Variants in BEST3 observed in about 807,000 individuals in gnomAD.
BEST3 encodes bestrophin 3.
Under a neutral mutation model 47.1 loss-of-function variants are expected in BEST3, and 50 were observed. The observed-to-expected ratio is 1.06, with a 90% confidence interval of 0.85 to 1.34. The LOEUF (loss-of-function observed/expected upper bound fraction) is 1.34, where lower values mean the gene tolerates loss of function less well. Ranked by LOEUF, BEST3 falls within the 40% of genes most tolerant of loss-of-function variation. The probability of loss-of-function intolerance (pLI) is 0.00; values close to 1 mark genes in which losing one functional copy is unlikely to be tolerated. For synonymous variants in BEST3, 282 were observed against 298.8 expected (o/e 0.94, Z 0.58); for missense variants, 765 against 817.0 (o/e 0.94, Z 0.78).
chr12:69,670,398 G>T (rs1342121593), intron 9 of BEST3: 1 of 699,238 alleles, frequency 1.4e-6, no homozygotes. Flanking sequence ...AAATCTCCTG[G>T]CTCCTAAATC....
downstream of BEST3, chr12:69,653,502 C>A (rs909136667): frequency 4.1e-6 from 2 of 490,644 alleles, no homozygotes; most frequent in Non-Finnish European, 5.3e-6. Context: ...AGGCAAATAC[C>A]TTACTTCTCT....
In BEST3 at chr12:69,694,439, G is replaced by A. The variant is rs910941837; in HGVS notation, c.178C>T (p.Arg60Cys). The A allele has an allele frequency of 9.3e-6, 15 of 1,605,614 alleles. No individual in the cohort carries two copies. In the South Asian group the frequency reaches 1.0e-4, roughly 11 times the overall value. The change falls in exon 3 of 10, where the codon CGT (arginine) becomes TGT (cysteine). Residue 60 changes from arginine (R) to cysteine (C), a missense_variant. By Grantham distance (180) the Arg-to-Cys change is radical (BLOSUM62 -3). Coordinates refer to ENST00000330891, the MANE Select transcript of BEST3 (RefSeq NM_032735.3). Reference protein sequence around the residue: ...YRLLLTGVQKRYFEKLSIYCD... With the variant: ...YRLLLTGVQKCYFEKLSIYCD... Reference sequence around the variant, plus strand: ...TAAATTGATAATTTTTCAAAGTAACGTTTTTGGACTCCTGTAAGTAACAAT... The same window carrying A: ...TAAATTGATAATTTTTCAAAGTAACATTTTTGGACTCCTGTAAGTAACAAT...
chr12:69,699,262 C>G lies in BEST3; in HGVS notation c.-73G>C. ...AGAGAATCTTCAAATTTCGGGCTCC[C>G]CCGAAGAGGTGCCTTCAGGTCGGTG... On this transcript the variant is annotated 5_prime_UTR_variant, in exon 1 of 10. Transcript: ENST00000330891. 2 of 985,380 alleles carry G rather than the reference C, an allele frequency of 2.0e-6. No homozygotes were observed. The highest frequency in any genetic ancestry group is 2.4e-6 in the Non-Finnish European group (2 of 829,922). 61.0% of individuals were successfully genotyped at this position (985,380 alleles called of 1,614,324 possible).
chr12:69,645,045 T>C (rs1882987592), intron 9 of BEST3, among the ~76,000 whole-genome samples: 1 of 152,214 alleles, frequency 6.6e-6, no homozygotes, highest in Non-Finnish European at 1.5e-5. Context: ...AATATGAGAA[T>C]TGAAGAACCT....
downstream of BEST3, chr12:69,653,602 T>C: frequency 3.1e-6 from 3 of 977,338 alleles, no homozygotes; most frequent in Non-Finnish European, 3.6e-6. Flanking sequence ...AAGCACTCAA[T>C]AAATGGTAGT....
Position 69,655,346 on chromosome 12 carries a change from G to A in BEST3, c.1568C>T (p.Ala523Val). The A allele has an allele frequency of 6.2e-7, 1 of 1,614,144 alleles. No homozygotes were observed. Among genetic ancestry groups the A allele is most frequent in the Non-Finnish European group, 8.5e-7 (1 of 1,180,032 alleles). Residue 523 changes from alanine (A) to valine (V), a missense_variant, in exon 10 of 10, where the codon GCT becomes GTT. By Grantham distance (64) the Ala-to-Val change is moderately conservative. Transcript: ENST00000330891. The stretch of plus-strand genomic sequence containing the variant: ...AAACTCAGAGCTCAAGATGGAGGTA[G>A]CGGAATCATGGTGGTAGCCCCCTGA... ...PTSGGYHHDSATSILSSEFTG... is the reference protein window; with the variant it reads ...PTSGGYHHDSVTSILSSEFTG...
chr12:69,650,547 G>A (rs1464704971), downstream of BEST3, among the ~76,000 whole-genome samples: 1 of 152,180 alleles, frequency 6.6e-6, no homozygotes, highest in African/African-American at 2.4e-5. Flanking sequence ...GGGGGAATTA[G>A]GTTTCAACCT....
rs143082425 is a variant in BEST3 at position 69,673,060 on chromosome 12, GT to G, written c.868-96del. 4.3e-3 allele frequency: 4,021 copies of G among 934,788 alleles called. 32 individuals are homozygous for G. In the Middle Eastern group the frequency reaches 0.045, roughly 10 times the overall value. The allele number at this position is 934,788 out of a possible 1,614,324, so 57.9% of individuals were successfully genotyped here. On this transcript the variant is annotated intron_variant, in intron 7 of 9. Coordinates refer to ENST00000330891, the MANE Select transcript of BEST3 (RefSeq NM_032735.3). ...TTCCTGTTTTCCTCTCTGCTTCCTT[GT>G]GTGACTTTCTAATACGAAGAGTAGA...
chr12:69,649,301 TG>T (rs929928009), downstream of BEST3, among the ~76,000 whole-genome samples: 1 of 152,230 alleles, frequency 6.6e-6, no homozygotes, highest in African/African-American at 2.4e-5. Flanking sequence ...CCGGATTTGT[TG>T]TCACTCTTTA....
At chr12:69,663,343 T>C (rs1883981704) in intron 9 of BEST3, among the ~76,000 whole-genome samples, 1 of 152,210 alleles carries the variant, frequency 6.6e-6, no homozygotes, top group African/African-American at 2.4e-5. Context: ...TAAAATTTCT[T>C]TGGGTAAAGT....
rs576885652 is a variant in BEST3 at position 69,696,155 on chromosome 12, T to C, written c.152+1492A>G. 1.6e-3 allele frequency among the ~76,000 whole-genome samples: 251 copies of C among 152,302 alleles called. 2 individuals are homozygous for C. The highest frequency in any genetic ancestry group is 5.8e-3 in the African/African-American group (241 of 41,580). Reference sequence around the variant, plus strand: ...CCTATAGTTCTTGGTATACCTTTGATTAAGATAGAAAGATCTATTTTAATA... The same window carrying C: ...CCTATAGTTCTTGGTATACCTTTGACTAAGATAGAAAGATCTATTTTAATA... On this transcript the variant is annotated intron_variant, in intron 2 of 9. Coordinates refer to ENST00000330891, the MANE Select transcript of BEST3 (RefSeq NM_032735.3).
At chr12:69,676,065 A>G (rs1035749448) in intron 7 of BEST3, among the ~76,000 whole-genome samples, 6 of 152,204 alleles carry the variant, frequency 3.9e-5, no homozygotes. Context: ...GGTCTCTGAT[A>G]TTTACACACA....
chr12:69,672,122 A>G (rs1884614040), intron 8 of BEST3, among the ~76,000 whole-genome samples: 1 of 152,230 alleles, frequency 6.6e-6, no homozygotes, highest in South Asian at 2.1e-4. Context: ...AAAGTGATGC[A>G]TGAATACATT....
intron 9 of BEST3, among the ~76,000 whole-genome samples, chr12:69,664,383 T>A (rs1884056107): frequency 6.6e-6 from 1 of 152,150 alleles, no homozygotes. Flanking sequence ...CTCCCCTTAC[T>A]GTATCCAACT....
At position 69,686,779 on chromosome 12, in the gene BEST3, C is replaced by CAAAAAA. The variant is rs71094728; in HGVS notation, c.481+6889_481+6894dup. Among the ~76,000 whole-genome samples the CAAAAAA allele has an allele frequency of 3.7e-4, 37 of 99,392 alleles. 2 individuals are homozygous for CAAAAAA. The highest frequency in any genetic ancestry group is 1.7e-3 in the African/African-American group (35 of 20,508). The allele number at this position is 99,392 out of a possible 152,430, so 65.2% of individuals were successfully genotyped here. A position where few individuals can be genotyped will look rare whatever the true frequency, so the allele number is the denominator to read the frequency against. On this transcript the variant is annotated intron_variant, in intron 4 of 9. Transcript: ENST00000330891. ...AGAGCAAGATTCTGCCTCAAAAAAA[C>CAAAAAA]AAAAAAAAAAGAAAGAAAAGAAAAA...
chr12:69,690,733 G>A (rs1435783957), intron 4 of BEST3, among the ~76,000 whole-genome samples: 1 of 152,146 alleles, frequency 6.6e-6, no homozygotes, highest in African/African-American at 2.4e-5. Flanking sequence ...TTTCTTGTTT[G>A]TTTTTAGGTC....
At chr12:69,669,228 C>G (rs1884415138) in intron 9 of BEST3, among the ~76,000 whole-genome samples, 1 of 152,168 alleles carries the variant, frequency 6.6e-6, no homozygotes, top group Non-Finnish European at 1.5e-5. Context: ...GGCTTCTGAT[C>G]GCCTATTTTC....
downstream of BEST3, among the ~76,000 whole-genome samples, chr12:69,652,738 C>G (rs1037136340): frequency 5.9e-5 from 9 of 152,108 alleles, no homozygotes; most frequent in Non-Finnish European, 1.2e-4. Flanking sequence ...GTTTCAAAAG[C>G]AGCTAAGTAG....
chr12:69,693,982 T>G (rs935687540), intron 3 of BEST3, 75 bp from the exon 4 acceptor site: 1 of 1,112,802 alleles, frequency 9.0e-7, no homozygotes, highest in Admixed American at 2.5e-5. Context: ...TTTAGCTGAA[T>G]TTTAGCCTTT....
Sources: allele counts gnomAD v4.1 joint callset (sites outside exome capture counted in the v4.1 genomes callset), GRCh38; gene constraint gnomAD v4.1.1; transcripts MANE v1.5; gene names NCBI Gene and HGNC (gene_info 2026-07-23, HGNC 2026-07-21).